Variants in GRIP1 observed in about 807,000 individuals in gnomAD.
GRIP1 encodes the protein glutamate receptor-interacting protein 1.
Under a neutral mutation model 129.9 loss-of-function variants are expected in GRIP1, and 45 were observed. That is an observed-to-expected ratio of 0.35 (90% CI 0.27 to 0.44). The LOEUF is 0.44. GRIP1 is among the 20% of genes least tolerant of loss of function. The probability of loss-of-function intolerance (pLI) is 1.00; values close to 1 mark genes in which losing one functional copy is unlikely to be tolerated. For missense variants in GRIP1, 1,196 were observed against 1,396.8 expected, an observed-to-expected ratio of 0.86 and a Z score of 2.29; for synonymous variants, 530 against 520.8, an observed-to-expected ratio of 1.02 and a Z score of -0.24.
At chr12:66,801,873 T>C (rs1393744510) in intron 1 of GRIP1, among the ~76,000 whole-genome samples, 1 of 152,134 alleles carries the variant, frequency 6.6e-6, no homozygotes, top group Non-Finnish European at 1.5e-5. Context: ...TTAATGTAGA[T>C]AGTTTTTCTA....
chr12:66,474,835 A>G (rs919080325), intron 7 of GRIP1, among the ~76,000 whole-genome samples: 8 of 152,224 alleles, frequency 5.3e-5, no homozygotes, highest in Non-Finnish European at 1.0e-4. Flanking sequence ...GAATCACTAA[A>G]CATGGAAAGG....
chr12:66,925,667 G>A (rs1054435774), intron 1 of GRIP1, among the ~76,000 whole-genome samples: 28 of 151,794 alleles, frequency 1.8e-4, no homozygotes, highest in African/African-American at 4.8e-4. Flanking sequence ...TTTTTCAGAC[G>A]GAGTTTCACT....
At chr12:66,740,387 C>T (rs987483345) in intron 1 of GRIP1, among the ~76,000 whole-genome samples, 3 of 152,142 alleles carry the variant, frequency 2.0e-5, no homozygotes, top group Non-Finnish European at 4.4e-5. Context: ...GCATCAGCAT[C>T]AGTGTACAGT....
At chr12:66,805,956 T>C (rs956364543), upstream of GRIP1, among the ~76,000 whole-genome samples, 2 of 148,270 alleles carry the variant, frequency 1.3e-5, no homozygotes, top group Non-Finnish European at 3.0e-5. Context: ...AAATCACTTG[T>C]CCTTAGGTTT....
chr12:66,954,891 C>A (rs1391822605), intron 1 of GRIP1, among the ~76,000 whole-genome samples: 1 of 152,032 alleles, frequency 6.6e-6, no homozygotes, highest in Non-Finnish European at 1.5e-5. Context: ...AAGAAGATTG[C>A]AAGTTCCAGG....
chr12:67,012,795 T>C (rs978637168), intron 1 of GRIP1, among the ~76,000 whole-genome samples: 2 of 152,178 alleles, frequency 1.3e-5, no homozygotes, highest in African/African-American at 2.4e-5. Context: ...CCAAATTTTC[T>C]AACATGCCCC....
intron 1 of GRIP1, among the ~76,000 whole-genome samples, chr12:67,049,970 CTTTT>C (rs62802760): frequency 1.6e-5 from 2 of 126,608 alleles, no homozygotes; most frequent in East Asian, 2.3e-4. Context: ...ATTTGAATTT[CTTTT>C]TTTTTTTTTT....
chr12:67,015,754 A>G (rs1039288890), intron 1 of GRIP1, among the ~76,000 whole-genome samples: 1 of 152,194 alleles, frequency 6.6e-6, no homozygotes, highest in African/African-American at 2.4e-5. Context: ...TTTCCCTTGA[A>G]TTTCTACAGG....
intron 2 of GRIP1, among the ~76,000 whole-genome samples, chr12:66,548,092 A>G (rs576712935): frequency 3.3e-5 from 5 of 152,230 alleles, no homozygotes; most frequent in East Asian, 1.9e-4. Context: ...GGATTCTAAC[A>G]TGCAGCTAGA....
At chr12:67,018,865 T>C (rs1308160883) in intron 1 of GRIP1, among the ~76,000 whole-genome samples, 2 of 152,060 alleles carry the variant, frequency 1.3e-5, no homozygotes, top group African/African-American at 4.8e-5. Flanking sequence ...TGATTTCAGA[T>C]GCATCAAGTA....
At chr12:66,975,964 T>A (rs1473994234) in intron 1 of GRIP1, among the ~76,000 whole-genome samples, 1 of 152,142 alleles carries the variant, frequency 6.6e-6, no homozygotes, top group Non-Finnish European at 1.5e-5. Context: ...TTCATAAAAA[T>A]TTGTTGTGAT....
At position 66,349,260 on chromosome 12, in the gene GRIP1, A is replaced by G; in HGVS notation, c.3160-14T>C. Reference sequence around the variant, plus strand: ...GACATGATTCACCTGAAAGGTCAAGAACAGCCATTTTGAATTATCGTTGTA... The same window carrying G: ...GACATGATTCACCTGAAAGGTCAAGGACAGCCATTTTGAATTATCGTTGTA... On this transcript the variant is annotated splice_polypyrimidine_tract_variant and intron_variant, in intron 24 of 24. Coordinates refer to ENST00000359742, the MANE Select transcript of GRIP1 (RefSeq NM_001366722.1). 5 of 1,581,056 alleles carry G rather than the reference A, an allele frequency of 3.2e-6. No individual in the cohort carries two copies. The highest frequency in any genetic ancestry group is 4.3e-6 in the Non-Finnish European group (5 of 1,149,792).
chr12:66,515,260 A>G (rs1325956551), intron 7 of GRIP1, among the ~76,000 whole-genome samples: 3 of 152,012 alleles, frequency 2.0e-5, no homozygotes, highest in Non-Finnish European at 4.4e-5. Context: ...GTCAGTCTCT[A>G]TGTAATAATA....
chr12:66,693,039 G>A (rs1347604465), intron 1 of GRIP1, among the ~76,000 whole-genome samples: 2 of 152,138 alleles, frequency 1.3e-5, no homozygotes, highest in African/African-American at 4.8e-5. Flanking sequence ...GATAGTGCTT[G>A]ATACATAAAA....
At chr12:66,884,596 A>C (rs972833789) in intron 1 of GRIP1, among the ~76,000 whole-genome samples, 1 of 152,246 alleles carries the variant, frequency 6.6e-6, no homozygotes, top group Non-Finnish European at 1.5e-5. Flanking sequence ...AAGTTACAAG[A>C]AACAAAAGCC....
chr12:66,468,679 G>T (rs1459521070), intron 7 of GRIP1, among the ~76,000 whole-genome samples: 3 of 149,170 alleles, frequency 2.0e-5, no homozygotes, highest in East Asian at 3.9e-4. Flanking sequence ...CCTTAAGTTA[G>T]TTTTTTTTTT....
intron 1 of GRIP1, among the ~76,000 whole-genome samples, chr12:66,742,980 C>G (rs2036834834): frequency 6.6e-6 from 1 of 152,022 alleles, no homozygotes; most frequent in South Asian, 2.1e-4. Context: ...GAAAATGAAA[C>G]TTTTCAATGT....
At chr12:66,392,859 G>C in intron 17 of GRIP1, 43 bp from the exon 18 acceptor site, 1 of 1,561,374 alleles carries the variant, frequency 6.4e-7, no homozygotes, top group Non-Finnish European at 8.8e-7. Context: ...AATAATCCCT[G>C]TATGGTACTG....
intron 2 of GRIP1, among the ~76,000 whole-genome samples, chr12:66,556,194 T>A (rs770412533): frequency 1.2e-4 from 18 of 151,566 alleles, no homozygotes; most frequent in Non-Finnish European, 2.2e-4. Flanking sequence ...AATAAACAAA[T>A]AACATAGAAT....
Sources: allele counts gnomAD v4.1 joint callset (sites outside exome capture counted in the v4.1 genomes callset), GRCh38; gene constraint gnomAD v4.1.1; transcripts MANE v1.5; gene names NCBI Gene and HGNC (gene_info 2026-07-23, HGNC 2026-07-21).